Variants in PARL observed in about 807,000 individuals in gnomAD.
PARL encodes the protein presenilin-associated rhomboid-like protein, mitochondrial.
A neutral mutation model predicts 51.6 loss-of-function variants in PARL; 44 were observed. The observed-to-expected ratio is 0.85, with a 90% CI of 0.67 to 1.10. PARL has a LOEUF of 1.10. PARL is among the 50% of genes least tolerant of loss of function. The probability of loss-of-function intolerance (pLI) is 0.00; values close to 1 mark genes in which losing one functional copy is unlikely to be tolerated. For synonymous variants in PARL, 172 were observed against 164.0 expected (o/e 1.05, Z -0.37); for missense variants, 441 against 469.5 (o/e 0.94, Z 0.56).
At chr3:183,875,693 T>C (rs1733725903) in intron 1 of PARL, among the ~76,000 whole-genome samples, 2 of 152,322 alleles carry the variant, frequency 1.3e-5, no homozygotes, top group Admixed American at 1.3e-4. Context: ...CAAGTGTGGA[T>C]GTAGAAACTG....
chr3:183,878,905 G>A (rs897032817), intron 1 of PARL, among the ~76,000 whole-genome samples: 2 of 152,188 alleles, frequency 1.3e-5, no homozygotes, highest in African/African-American at 2.4e-5. Flanking sequence ...GACCACATGC[G>A]GCCATATTTT....
intron 1 of PARL, among the ~76,000 whole-genome samples, chr3:183,882,128 C>T (rs550525719): frequency 3.4e-5 from 5 of 148,158 alleles, no homozygotes; most frequent in African/African-American, 5.0e-5. Context: ...CGCTTGAACC[C>T]GGGAGGCGGA....
chr3:183,844,397 C>A, intron 4 of PARL, 71 bp from the exon 5 acceptor site: 1 of 948,844 alleles, frequency 1.1e-6, no homozygotes, highest in Non-Finnish European at 1.7e-6. Context: ...ACATTACCCC[C>A]TTGTAAGATT....
downstream of PARL, chr3:183,826,756 G>A (rs1288885910): frequency 9.1e-6 from 9 of 985,306 alleles, no homozygotes; most frequent in African/African-American, 1.7e-5. Flanking sequence ...CACAGGGGCC[G>A]GGTCAGAGTG....
chr3:183,842,484 A>T (rs1362228148), intron 5 of PARL, 37 bp from the exon 6 acceptor site: 2 of 1,594,828 alleles, frequency 1.3e-6, no homozygotes, highest in East Asian at 4.5e-5. Flanking sequence ...TAATCATGAA[A>T]CACACAGCCA....
intron 6 of PARL, 40 bp downstream of exon 6, chr3:183,842,258 T>C: frequency 6.3e-7 from 1 of 1,592,066 alleles, no homozygotes; most frequent in Non-Finnish European, 8.6e-7. Context: ...TAGCTTAGAG[T>C]GCTTATACTC....
intron 1 of PARL, among the ~76,000 whole-genome samples, chr3:183,877,489 T>C (rs1218325572): frequency 4.6e-5 from 7 of 152,162 alleles, no homozygotes; most frequent in African/African-American, 1.4e-4. Flanking sequence ...AGTTCTACTG[T>C]GGATAAAATG....
At chr3:183,878,799 C>G (rs1734126546) in intron 1 of PARL, among the ~76,000 whole-genome samples, 1 of 152,190 alleles carries the variant, frequency 6.6e-6, no homozygotes, top group Non-Finnish European at 1.5e-5. Context: ...GGTTGTCAAA[C>G]TGCGGCCTAT....
At chr3:183,875,739 G>A (rs1284674404) in intron 1 of PARL, among the ~76,000 whole-genome samples, 1 of 152,178 alleles carries the variant, frequency 6.6e-6, no homozygotes, top group Non-Finnish European at 1.5e-5. Flanking sequence ...GATGAAGGTG[G>A]CTACACTAAA....
intron 1 of PARL, among the ~76,000 whole-genome samples, chr3:183,876,435 A>G (rs952238935): frequency 8.5e-5 from 13 of 152,126 alleles, no homozygotes; most frequent in Admixed American, 5.9e-4. Flanking sequence ...TCGACAATGT[A>G]TCTGGTCACC....
In PARL at chr3:183,838,420, G is replaced by C. The variant is rs186997718; in HGVS notation, c.828+2150C>G. Among the ~76,000 whole-genome samples the C allele has an allele frequency of 7.9e-5, 12 of 152,154 alleles. 1 individual carries two copies. Among genetic ancestry groups the C allele is most frequent in the Admixed American group, 7.8e-4 (12 of 15,292 alleles). On this transcript the variant is annotated intron_variant, in intron 7 of 9. Transcript: ENST00000317096. Reference sequence around the variant, plus strand: ...CTTTGTTAATGGTGTTTTTTTCCCAGATTTCTCATTAAAAATGCCATTATA... The same window carrying C: ...CTTTGTTAATGGTGTTTTTTTCCCACATTTCTCATTAAAAATGCCATTATA...
intron 5 of PARL, 93 bp downstream of exon 5, chr3:183,844,138 T>C: frequency 1.1e-6 from 1 of 878,228 alleles, no homozygotes; most frequent in Non-Finnish European, 2.0e-6. Context: ...TATTGATAGG[T>C]AATTCGTCTT....
At chr3:183,879,491 G>A (rs999762823) in intron 1 of PARL, among the ~76,000 whole-genome samples, 3 of 152,172 alleles carry the variant, frequency 2.0e-5, no homozygotes, top group African/African-American at 7.2e-5. Context: ...GACAAGCCAT[G>A]GAGAAAATGG....
chr3:183,852,882 T>C (rs1730708817), intron 4 of PARL, among the ~76,000 whole-genome samples: 1 of 152,192 alleles, frequency 6.6e-6, no homozygotes, highest in Non-Finnish European at 1.5e-5. Flanking sequence ...GAAAACAATT[T>C]GATAGTTCTT....
chr3:183,862,920 G>A (rs1732008643), intron 3 of PARL, 119 bp from the exon 4 acceptor site: 2 of 797,698 alleles, frequency 2.5e-6, no homozygotes, highest in Non-Finnish European at 4.4e-6. Context: ...AATCACTGGT[G>A]GTCACAGACA....
At chr3:183,838,053 G>A (rs78306254) in intron 7 of PARL, among the ~76,000 whole-genome samples, 24,530 of 145,514 alleles carry the variant, frequency 0.17, 2,326 homozygotes, top group East Asian at 0.42. Flanking sequence ...ATGGGGTCTC[G>A]CTATGTTGTC....
At chr3:183,836,329 T>C (rs1445677684) in intron 7 of PARL, among the ~76,000 whole-genome samples, 1 of 152,040 alleles carries the variant, frequency 6.6e-6, no homozygotes, top group African/African-American at 2.4e-5. Flanking sequence ...TCTGTACAAT[T>C]CCATGGAACG....
At chr3:183,856,369 T>A (rs1479078829) in intron 4 of PARL, 1 of 152,284 alleles carries the variant, frequency 6.6e-6, no homozygotes, top group Non-Finnish European at 1.5e-5. Flanking sequence ...ACCTGGCCAG[T>A]CCAGACACTG....
chr3:183,828,081 G>A (rs1227540691), downstream of PARL, among the ~76,000 whole-genome samples: 1 of 152,244 alleles, frequency 6.6e-6, no homozygotes, highest in African/African-American at 2.4e-5. Flanking sequence ...GGAGGGAGCT[G>A]TGGACAGCAA....
Sources: allele counts gnomAD v4.1 joint callset (sites outside exome capture counted in the v4.1 genomes callset), GRCh38; gene constraint gnomAD v4.1.1; transcripts MANE v1.5; gene names NCBI Gene and HGNC (gene_info 2026-07-23, HGNC 2026-07-21).